SLC22A23: variants seen among roughly 807,000 people sequenced by gnomAD.
SLC22A23 encodes solute carrier family 22 member 23, also known as ion transporter protein.
In SLC22A23, 26 loss-of-function variants were observed where a neutral mutation model predicts 61.0. The observed-to-expected ratio is 0.43, with a 90% confidence interval of 0.31 to 0.59. The LOEUF is 0.59. Among genes scored for constraint, SLC22A23 ranks in the 20% least tolerant of loss-of-function variants. The pLI is 0.11. For missense variants in SLC22A23, 796 were observed against 934.7 expected (o/e 0.85, Z 1.94); for synonymous variants, 430 against 413.9 (o/e 1.04, Z -0.47).
At chr6:3,354,081 T>C (rs1481638727) in intron 3 of SLC22A23, among the ~76,000 whole-genome samples, 5 of 152,204 alleles carry the variant, frequency 3.3e-5, no homozygotes, top group East Asian at 1.9e-4. Context: ...GCAGGCCTGA[T>C]TGGATTGTGG....
At chr6:3,418,326 G>A (rs145060269) in intron 1 of SLC22A23, among the ~76,000 whole-genome samples, 197 of 152,356 alleles carry the variant, frequency 1.3e-3, no homozygotes, top group Non-Finnish European at 2.4e-3. Flanking sequence ...ATGCAAATGA[G>A]TATATTATGC....
rs150822868 is a variant in SLC22A23 at position 3,311,072 on chromosome 6, C to T, written c.1082+12762G>A. On this transcript the variant is annotated intron_variant, in intron 4 of 9. Coordinates refer to ENST00000406686, the MANE Select transcript of SLC22A23 (RefSeq NM_015482.2). ...CTGGGCACCATCCACCTGCTGTGGA[C>T]GGGCTGGCCTGGAGATGAAACACAC... Among the ~76,000 whole-genome samples, 543 of 152,344 alleles carry T rather than the reference C, an allele frequency of 3.6e-3. 1 individual carries two copies. The highest frequency in any genetic ancestry group is 0.012 in the African/African-American group (501 of 41,566).
At chr6:3,423,879 T>C (rs2127532645) in intron 1 of SLC22A23, among the ~76,000 whole-genome samples, 1 of 152,044 alleles carries the variant, frequency 6.6e-6, no homozygotes, top group South Asian at 2.1e-4. Context: ...GTGGGGAACT[T>C]CTGCTGGGAG....
rs1253791539 is a variant in SLC22A23, at chr6:3,361,699, T to G, written c.914-37697A>C. 2.0e-5 allele frequency among the ~76,000 whole-genome samples: 3 copies of G among 152,168 alleles called. No homozygotes were observed. The East Asian group carries it at 5.8e-4, about 29-fold the overall frequency. On this transcript the variant is annotated intron_variant, in intron 3 of 9. Transcript: ENST00000406686. Reference sequence around the variant, plus strand: ...TCTCAACACAGCAAGCCCCATGGGATCCAAGAAATACTGCTCCATGCGTCT... The same window carrying G: ...TCTCAACACAGCAAGCCCCATGGGAGCCAAGAAATACTGCTCCATGCGTCT...
intron 3 of SLC22A23, among the ~76,000 whole-genome samples, chr6:3,326,813 T>C (rs1383214773): frequency 6.6e-6 from 1 of 152,264 alleles, no homozygotes; most frequent in African/African-American, 2.4e-5. Context: ...GCTATAAAGA[T>C]GTTTTTGTAA....
intron 3 of SLC22A23, among the ~76,000 whole-genome samples, chr6:3,383,953 A>G (rs918172004): frequency 1.5e-4 from 23 of 152,226 alleles, no homozygotes; most frequent in African/African-American, 5.5e-4. Context: ...CTGTGGCAAC[A>G]TCAGCTTCCT....
intron 3 of SLC22A23, among the ~76,000 whole-genome samples, chr6:3,355,950 A>T (rs922701153): frequency 8.8e-5 from 12 of 135,992 alleles, no homozygotes; most frequent in East Asian, 2.2e-4. Flanking sequence ...GTTTTTTTTT[A>T]AAGGCAAAAC....
chr6:3,422,496 A>AT (rs908769456), intron 1 of SLC22A23, among the ~76,000 whole-genome samples: 34 of 151,972 alleles, frequency 2.2e-4, no homozygotes, highest in African/African-American at 7.5e-4. Flanking sequence ...CAGTTGACAG[A>AT]TTTTTTTTCC....
At chr6:3,275,005 T>TG (rs1758765956) in intron 9 of SLC22A23, among the ~76,000 whole-genome samples, 1 of 151,730 alleles carries the variant, frequency 6.6e-6, no homozygotes, top group Non-Finnish European at 1.5e-5. Flanking sequence ...TATATGGAAA[T>TG]GCAAAAGACT....
At chr6:3,293,819 A>G (rs1760835563) in intron 5 of SLC22A23, among the ~76,000 whole-genome samples, 1 of 152,226 alleles carries the variant, frequency 6.6e-6, no homozygotes, top group African/African-American at 2.4e-5. Flanking sequence ...AGGCAGAGTG[A>G]GGCAGGCCAG....
intron 5 of SLC22A23, among the ~76,000 whole-genome samples, chr6:3,296,238 G>A (rs113193805): frequency 6.6e-6 from 1 of 152,230 alleles, no homozygotes; most frequent in African/African-American, 2.4e-5. Flanking sequence ...GAGAAACCTG[G>A]ATTGAGTACT....
intron 1 of SLC22A23, among the ~76,000 whole-genome samples, chr6:3,417,344 C>A (rs1001211714): frequency 7.2e-5 from 11 of 152,266 alleles, no homozygotes; most frequent in African/African-American, 2.4e-4. Context: ...CAACGCCAGG[C>A]CCAGGAAGAA....
intron 1 of SLC22A23, among the ~76,000 whole-genome samples, chr6:3,449,996 T>G (rs1171829410): frequency 1.3e-5 from 2 of 152,224 alleles, no homozygotes. Context: ...TACTGATGTA[T>G]TCATCTCCAG....
At chr6:3,352,173 T>C (rs1764808093) in intron 3 of SLC22A23, among the ~76,000 whole-genome samples, 1 of 152,140 alleles carries the variant, frequency 6.6e-6, no homozygotes, top group Non-Finnish European at 1.5e-5. Context: ...TGGAAGGAGA[T>C]GTGAGAGTGC....
intron 4 of SLC22A23, among the ~76,000 whole-genome samples, chr6:3,299,605 T>A (rs1761435419): frequency 6.6e-6 from 1 of 152,234 alleles, no homozygotes; most frequent in Admixed American, 6.5e-5. Context: ...ATGACAATAT[T>A]TACAAGCTGC....
intron 8 of SLC22A23, 114 bp from the exon 9 acceptor site, chr6:3,284,089 G>A (rs1458134230): frequency 6.1e-5 from 67 of 1,093,242 alleles, no homozygotes; most frequent in Non-Finnish European, 8.5e-5. Context: ...TTGCGGCATG[G>A]ATGGGTATGC....
chr6:3,371,779 C>T (rs1412226626), intron 3 of SLC22A23, among the ~76,000 whole-genome samples: 1 of 152,124 alleles, frequency 6.6e-6, no homozygotes, highest in Non-Finnish European at 1.5e-5. Flanking sequence ...TTATTTCCTG[C>T]CAGGCACTGT....
At chr6:3,346,423 C>T (rs1764442923) in intron 3 of SLC22A23, among the ~76,000 whole-genome samples, 3 of 152,198 alleles carry the variant, frequency 2.0e-5, no homozygotes, top group Admixed American at 1.3e-4. Flanking sequence ...CCCTTCCTCC[C>T]CTGCATGGAT....
At position 3,324,489 on chromosome 6, in the gene SLC22A23, C is replaced by T. The variant is rs900734517; in HGVS notation, c.914-487G>A. 3.3e-5 allele frequency among the ~76,000 whole-genome samples: 5 copies of T among 152,170 alleles called. No homozygotes were observed. The highest frequency in any genetic ancestry group is 1.2e-4 in the African/African-American group (5 of 41,434). On this transcript the variant is annotated intron_variant, in intron 3 of 9. Transcript: ENST00000406686. This position sits in a 1 kb window ranked among gnomAD's most constrained non-coding sequence, Gnocchi z 4.3. ...ACTCCTACCCATATGCACCACCCAC[C>T]CCTTCTTCTGGTTCTCACTCCAGGG...
Sources: gnomAD v4.1 joint callset for allele counts (sites outside exome capture counted in the v4.1 genomes callset) on GRCh38, gnomAD v4.1.1 for gene constraint, Gnocchi (gnomAD v3.1) non-coding constraint, MANE v1.5 for transcripts, NCBI Gene and HGNC (gene_info 2026-07-23, HGNC 2026-07-21) for gene names.